The following ZBTB7C variants were observed in gnomAD, a reference collection of about 807,000 sequenced individuals.
ZBTB7C encodes the protein zinc finger and BTB domain-containing protein 7C.
Under a neutral mutation model 25.7 loss-of-function variants are expected in ZBTB7C, and 8 were observed. The ratio of observed to expected loss-of-function variants is 0.31; its 90% confidence interval spans 0.18 to 0.56. The LOEUF is 0.56. Among genes scored for constraint, ZBTB7C ranks in the 20% least tolerant of loss-of-function variants. The pLI is 0.91. For missense variants in ZBTB7C, 824 were observed against 855.2 expected (o/e 0.96, Z 0.46); for synonymous variants, 394 against 369.0 (o/e 1.07, Z -0.78).
intron 3 of ZBTB7C, among the ~76,000 whole-genome samples, chr18:48,127,247 A>G (rs535825564): frequency 6.6e-6 from 1 of 152,320 alleles, no homozygotes; most frequent in South Asian, 2.1e-4. Context: ...CCTATGTGCT[A>G]AGAGGCTGTG....
intron 2 of ZBTB7C, among the ~76,000 whole-genome samples, chr18:48,267,145 G>A (rs774848343): frequency 6.6e-6 from 1 of 152,158 alleles, no homozygotes; most frequent in Admixed American, 6.6e-5. Context: ...CAAAGCACAA[G>A]GTCATCTTCT....
intron 3 of ZBTB7C, among the ~76,000 whole-genome samples, chr18:48,135,578 G>A (rs374791596): frequency 3.3e-5 from 5 of 152,128 alleles, no homozygotes; most frequent in South Asian, 2.1e-4. Flanking sequence ...GTGCCTTAAG[G>A]GGGGAGGACC....
intron 2 of ZBTB7C, among the ~76,000 whole-genome samples, chr18:48,326,243 G>A (rs558743017): frequency 6.6e-5 from 10 of 152,014 alleles, no homozygotes; most frequent in Admixed American, 2.6e-4. Flanking sequence ...TTACAGGTGC[G>A]TGCTACCATG....
intron 3 of ZBTB7C, among the ~76,000 whole-genome samples, chr18:48,183,968 C>A (rs940274942): frequency 3.9e-5 from 6 of 152,084 alleles, no homozygotes; most frequent in African/African-American, 1.4e-4. Context: ...AAGAGCTCTC[C>A]CTGGATACAT....
chr18:48,311,528 G>A (rs1406034525), intron 2 of ZBTB7C, among the ~76,000 whole-genome samples: 3 of 152,104 alleles, frequency 2.0e-5, no homozygotes, highest in African/African-American at 4.8e-5. Context: ...TGGGTAAGAC[G>A]CCAGGGATGC....
At chr18:48,363,796 C>T (rs1265613048) in intron 1 of ZBTB7C, among the ~76,000 whole-genome samples, 1 of 152,134 alleles carries the variant, frequency 6.6e-6, no homozygotes, top group Non-Finnish European at 1.5e-5. Flanking sequence ...GGTAGGGCAA[C>T]CTGCCCTTCT....
At chr18:48,142,150 C>T (rs1055314546) in intron 3 of ZBTB7C, among the ~76,000 whole-genome samples, 2 of 152,250 alleles carry the variant, frequency 1.3e-5, no homozygotes, top group Admixed American at 6.5e-5. Flanking sequence ...TGGAACCTAT[C>T]GGCCATTTGC....
intron 3 of ZBTB7C, among the ~76,000 whole-genome samples, chr18:48,073,831 C>A (rs887531635): frequency 6.6e-6 from 1 of 152,068 alleles, no homozygotes; most frequent in South Asian, 2.1e-4. Context: ...CGAGTTTCTG[C>A]ACAAAGCCCT....
intron 2 of ZBTB7C, among the ~76,000 whole-genome samples, chr18:48,331,213 G>GACC (rs1239144358): frequency 6.6e-6 from 1 of 152,112 alleles, no homozygotes; most frequent in Non-Finnish European, 1.5e-5. Flanking sequence ...CTTGCAGACA[G>GACC]AGCCATGCTG....
At chr18:48,333,506 T>C (rs2046387431) in intron 2 of ZBTB7C, among the ~76,000 whole-genome samples, 2 of 152,166 alleles carry the variant, frequency 1.3e-5, no homozygotes, top group African/African-American at 2.4e-5. Context: ...CTGGGGAACT[T>C]AAAAGAACTG....
At chr18:48,243,664 A>G (rs528425375) in intron 2 of ZBTB7C, among the ~76,000 whole-genome samples, 3 of 152,334 alleles carry the variant, frequency 2.0e-5, no homozygotes, top group Admixed American at 2.0e-4. Flanking sequence ...TCACAGAACT[A>G]GAAAAAACAA....
intron 3 of ZBTB7C, among the ~76,000 whole-genome samples, chr18:48,111,868 T>C (rs1438924649): frequency 6.6e-6 from 1 of 152,230 alleles, no homozygotes; most frequent in Non-Finnish European, 1.5e-5. Context: ...TTTCGGACCC[T>C]GAAATTATTA....
At chr18:48,152,339 T>A (rs75873601) in intron 3 of ZBTB7C, among the ~76,000 whole-genome samples, 1 of 152,132 alleles carries the variant, frequency 6.6e-6, no homozygotes, top group East Asian at 1.9e-4. Flanking sequence ...AAAAAAAAAA[T>A]CCAGGTGAAA....
intron 2 of ZBTB7C, among the ~76,000 whole-genome samples, chr18:48,310,649 G>A (rs2045796290): frequency 6.6e-6 from 1 of 152,186 alleles, no homozygotes; most frequent in African/African-American, 2.4e-5. Context: ...GCCTGGAAAG[G>A]CAAACTGCTT....
chr18:48,209,217 G>A (rs1418164931), intron 2 of ZBTB7C, among the ~76,000 whole-genome samples: 1 of 152,146 alleles, frequency 6.6e-6, no homozygotes, highest in Non-Finnish European at 1.5e-5. Flanking sequence ...CAACCCTCAG[G>A]CTCCAAACGG....
chr18:48,296,087 C>T (rs1450480747), intron 2 of ZBTB7C, among the ~76,000 whole-genome samples: 1 of 152,242 alleles, frequency 6.6e-6, no homozygotes, highest in Admixed American at 6.5e-5. Flanking sequence ...GCTGCACCTC[C>T]CCCTGAAGAT....
At chr18:48,156,974 A>G (rs561175395) in intron 3 of ZBTB7C, among the ~76,000 whole-genome samples, 58 of 152,232 alleles carry the variant, frequency 3.8e-4, no homozygotes, top group African/African-American at 1.3e-3. Flanking sequence ...CCCAACCTTT[A>G]GTGTTGGTGG....
At chr18:48,395,789 G>A (rs529196018) in intron 1 of ZBTB7C, among the ~76,000 whole-genome samples, 2 of 152,230 alleles carry the variant, frequency 1.3e-5, no homozygotes, top group East Asian at 1.9e-4. Context: ...AGGACATTAG[G>A]GAAGTGCAAT....
intron 2 of ZBTB7C, among the ~76,000 whole-genome samples, chr18:48,250,393 A>G (rs2043813408): frequency 6.6e-6 from 1 of 152,176 alleles, no homozygotes. Flanking sequence ...AAAAGGGGAT[A>G]AGAAAAGCCC....
Sources: allele counts gnomAD v4.1 joint callset (sites outside exome capture counted in the v4.1 genomes callset), GRCh38; gene constraint gnomAD v4.1.1; transcripts MANE v1.5; gene names NCBI Gene and HGNC (gene_info 2026-07-23, HGNC 2026-07-21).